Variants in RBFOX3 observed in about 807,000 individuals in gnomAD.
RBFOX3 encodes the protein RNA binding fox-1 homolog 3.
Under a neutral mutation model 48.7 loss-of-function variants are expected in RBFOX3, and 17 were observed. The ratio of observed to expected loss-of-function variants is 0.35; its 90% CI spans 0.24 to 0.52. The LOEUF (loss-of-function observed/expected upper bound fraction) is 0.52. RBFOX3 is among the 20% of genes least tolerant of loss of function. The probability of loss-of-function intolerance (pLI) is 0.94; values close to 1 mark genes in which losing one functional copy is unlikely to be tolerated. For synonymous variants in RBFOX3, 212 were observed against 209.5 expected, an observed-to-expected ratio of 1.01 and a Z score of -0.10; for missense variants, 382 against 497.5, an observed-to-expected ratio of 0.77 and a Z score of 2.21.
At chr17:79,459,193 A>G (rs530623627) in intron 2 of RBFOX3, among the ~76,000 whole-genome samples, 23 of 152,242 alleles carry the variant, frequency 1.5e-4, no homozygotes, top group Non-Finnish European at 3.1e-4. Context: ...TGGCTCTCAG[A>G]GTGCATAGGG....
In RBFOX3 at chr17:79,511,346, T is replaced by A. The variant is rs1346216206; in HGVS notation, c.-319-28748A>T. On this transcript the variant is annotated intron_variant, in intron 1 of 14. Coordinates refer to ENST00000693108, the MANE Select transcript of RBFOX3 (RefSeq NM_001350451.2). Reference sequence around the variant, plus strand: ...GCATTTAGGTTTTAAACTACCCCCTTTTCAGTGCCTAATATGTGTCGGGGC... The same window carrying A: ...GCATTTAGGTTTTAAACTACCCCCTATTCAGTGCCTAATATGTGTCGGGGC... Among the ~76,000 whole-genome samples the A allele has an allele frequency of 2.6e-5, 4 of 152,282 alleles. No individual in the cohort carries two copies. The East Asian group carries it at 5.8e-4, about 22-fold the overall frequency.
At chr17:79,357,084 C>A (rs1376169339) in intron 2 of RBFOX3, among the ~76,000 whole-genome samples, 1 of 152,214 alleles carries the variant, frequency 6.6e-6, no homozygotes, top group Non-Finnish European at 1.5e-5. Context: ...CCTAGCCCCA[C>A]GGGGGCCCCA....
intron 2 of RBFOX3, among the ~76,000 whole-genome samples, chr17:79,317,225 C>T (rs2077664212): frequency 6.6e-6 from 1 of 152,212 alleles, no homozygotes; most frequent in Admixed American, 6.5e-5. Context: ...ATTGCAGACC[C>T]AGTTCATTCG....
At chr17:79,426,451 G>A (rs552074246) in intron 2 of RBFOX3, among the ~76,000 whole-genome samples, 6 of 152,296 alleles carry the variant, frequency 3.9e-5, no homozygotes, top group African/African-American at 9.6e-5. Flanking sequence ...CAGGCAGGCC[G>A]GGAGCACTCG....
In RBFOX3 at chr17:79,144,244, C is replaced by A. The variant is rs553155768; in HGVS notation, c.-33-28496G>T. 1.5e-4 allele frequency among the ~76,000 whole-genome samples: 23 copies of A among 152,352 alleles called. No homozygotes were observed. The South Asian group carries it at 4.8e-3, about 32-fold the overall frequency. ...AGTGGGTGGCCAATGGGCCTGCTCT[C>A]GAGGCAGGATCCGTGAGGCCTGAAG... On this transcript the variant is annotated intron_variant, in intron 4 of 14. Transcript: ENST00000693108.
chr17:79,090,649 C>A lies in RBFOX3; in HGVS notation c.*234G>T, dbSNP rs1387947515. 2.3e-5 allele frequency: 12 copies of A among 532,100 alleles called. 1 individual carries two copies. The South Asian group carries it at 2.5e-4, about 11-fold the overall frequency. The allele number at this position is 532,100 out of a possible 1,614,324, so 33.0% of individuals were successfully genotyped here. ...TCCCACTGTGCTGCCAGCCAGGACG[C>A]GGTGGGGCCGTCCTGTCCTGGGGCC... On this transcript the variant is annotated 3_prime_UTR_variant, in exon 15 of 15. Coordinates refer to ENST00000693108, the MANE Select transcript of RBFOX3 (RefSeq NM_001350451.2).
intron 1 of RBFOX3, among the ~76,000 whole-genome samples, chr17:79,596,632 C>G (rs2145218867): frequency 6.6e-6 from 1 of 152,342 alleles, no homozygotes; most frequent in Non-Finnish European, 1.5e-5. Context: ...TATGAGCAGA[C>G]AGCCATGCTA....
chr17:79,092,660 A>G (rs895324437), intron 14 of RBFOX3: 1 of 983,684 alleles, frequency 1.0e-6, no homozygotes, highest in Non-Finnish European at 1.2e-6. Context: ...TCAAAGATGA[A>G]AAACAGCCAA....
At chr17:79,506,210 C>T (rs1185074585) in intron 1 of RBFOX3, among the ~76,000 whole-genome samples, 1 of 152,208 alleles carries the variant, frequency 6.6e-6, no homozygotes, top group African/African-American at 2.4e-5. Flanking sequence ...CTAGACTTTC[C>T]TCCATCAGAG....
At chr17:79,504,186 G>A (rs1159325210) in intron 1 of RBFOX3, among the ~76,000 whole-genome samples, 8 of 152,306 alleles carry the variant, frequency 5.3e-5, no homozygotes, top group African/African-American at 1.4e-4. Context: ...TCGCGTAAGC[G>A]TTTGTGACAT....
intron 1 of RBFOX3, among the ~76,000 whole-genome samples, chr17:79,497,825 G>C (rs2149689772): frequency 1.3e-5 from 2 of 152,326 alleles, no homozygotes; most frequent in East Asian, 3.9e-4. Flanking sequence ...CCCCAGCAGG[G>C]ACTAAGCCAA....
chr17:79,281,891 C>T (rs955888699), intron 3 of RBFOX3, among the ~76,000 whole-genome samples: 6 of 152,160 alleles, frequency 3.9e-5, no homozygotes, highest in South Asian at 2.1e-4. Context: ...AAGCCATCAT[C>T]GGGGAAACGA....
At chr17:79,652,635 A>AG in the RBFOX3 span, among the ~76,000 whole-genome samples, 1 of 151,364 alleles carries the variant, frequency 6.6e-6, no homozygotes, top group Non-Finnish European at 1.5e-5. Context: ...AAAGGGAAAA[A>AG]GAAAGATTGA....
chr17:79,141,616 C>T (rs1278568316), intron 4 of RBFOX3, among the ~76,000 whole-genome samples: 1 of 152,156 alleles, frequency 6.6e-6, no homozygotes, highest in Non-Finnish European at 1.5e-5. Flanking sequence ...GCCACAGCCC[C>T]TTGGCAATGT....
intron 1 of RBFOX3, among the ~76,000 whole-genome samples, chr17:79,588,419 C>A (rs906224903): frequency 0.042 from 6,467 of 152,184 alleles, 440 homozygotes; most frequent in African/African-American, 0.15. Flanking sequence ...ATCAAATCCT[C>A]CTCCTGCCAC....
At chr17:79,106,384 G>C (rs925851520) in intron 6 of RBFOX3, among the ~76,000 whole-genome samples, 1 of 152,118 alleles carries the variant, frequency 6.6e-6, no homozygotes, top group East Asian at 1.9e-4. Context: ...GGGAGCAGGA[G>C]GGGTGGGGTT....
chr17:79,487,714 A>C (rs370274211), intron 1 of RBFOX3, among the ~76,000 whole-genome samples: 2,281 of 152,108 alleles, frequency 0.015, 43 homozygotes, highest in African/African-American at 0.051. Context: ...GTTTGAGACC[A>C]TCCTGGCTAG....
In RBFOX3 at chr17:79,382,800, C is replaced by T. The variant is rs552837240; in HGVS notation, c.-174-74976G>A. On this transcript the variant is annotated intron_variant, in intron 2 of 14. Transcript: ENST00000693108. Reference sequence around the variant, plus strand: ...TGATGCAAAAGGAACAGGGCTCCTGCCATCCTGGCGTCCATGCTTTGGGTG... The same window carrying T: ...TGATGCAAAAGGAACAGGGCTCCTGTCATCCTGGCGTCCATGCTTTGGGTG... Among the ~76,000 whole-genome samples the T allele has an allele frequency of 7.1e-4, 108 of 152,302 alleles. 2 individuals carry two copies. Among genetic ancestry groups the T allele is most frequent in the African/African-American group, 2.5e-3 (104 of 41,554 alleles).
intron 2 of RBFOX3, among the ~76,000 whole-genome samples, chr17:79,474,562 A>G (rs2077455650): frequency 6.6e-6 from 1 of 152,210 alleles, no homozygotes; most frequent in South Asian, 2.1e-4. Flanking sequence ...CACAGGGAGC[A>G]AAGTCTGTGC....
Sources: gnomAD v4.1 joint callset for allele counts (sites outside exome capture counted in the v4.1 genomes callset) on GRCh38, gnomAD v4.1.1 for gene constraint, MANE v1.5 for transcripts, NCBI Gene and HGNC (gene_info 2026-07-23, HGNC 2026-07-21) for gene names.